Variants in GPLD1 observed in about 807,000 individuals in gnomAD.
GPLD1 encodes the protein glycosylphosphatidylinositol specific phospholipase D1.
A neutral mutation model predicts 112.6 loss-of-function variants in GPLD1; 84 were observed. That is an observed-to-expected ratio of 0.75 (90% CI 0.63 to 0.89). The LOEUF (loss-of-function observed/expected upper bound fraction) is 0.89, where lower values mean the gene tolerates loss of function less well. Among genes scored for constraint, GPLD1 ranks in the 40% least tolerant of loss-of-function variants. The pLI is 0.00. For missense variants in GPLD1, 1,044 were observed against 1,051.5 expected, an observed-to-expected ratio of 0.99 and a Z score of 0.10; for synonymous variants, 386 against 403.8, an observed-to-expected ratio of 0.96 and a Z score of 0.53.
At chr6:24,459,741 T>G (rs1214252253) in intron 12 of GPLD1, among the ~76,000 whole-genome samples, 1 of 152,224 alleles carries the variant, frequency 6.6e-6, no homozygotes, top group African/African-American at 2.4e-5. Flanking sequence ...CATTGATTAA[T>G]TTCATACACA....
intron 6 of GPLD1, 112 bp from the exon 7 acceptor site, chr6:24,472,748 G>T: frequency 6.9e-5 from 45 of 649,868 alleles, no homozygotes; most frequent in Middle Eastern, 2.8e-4. Flanking sequence ...ATTATTACAT[G>T]TTTTTGTTCA....
Position 24,446,928 on chromosome 6 carries a change from A to T in GPLD1, c.1730T>A (p.Phe577Tyr). ...ANWTVRGEED[F>Y]SWFGYSLHGV... is the part of the protein sequence containing the mutation. ...GTGAAGGGAATATCCAAACCAGGAG[A>T]AGTCTTCCTCGCCTCTCACCGTCCA... Residue 577 changes from phenylalanine to tyrosine, a missense_variant, in exon 18 of 25, where the codon TTC becomes TAC. By Grantham distance (22) the Phe-to-Tyr change is conservative (BLOSUM62 3). Coordinates refer to ENST00000230036, the MANE Select transcript of GPLD1 (RefSeq NM_001503.4). 1 of 1,613,774 alleles carries T rather than the reference A, an allele frequency of 6.2e-7. No homozygotes were observed. The highest frequency in any genetic ancestry group is 8.5e-7 in the Non-Finnish European group (1 of 1,179,850).
upstream of GPLD1, among the ~76,000 whole-genome samples, chr6:24,492,335 T>G (rs998117073): frequency 6.6e-6 from 1 of 151,492 alleles, no homozygotes; most frequent in Non-Finnish European, 1.5e-5. Context: ...TGAAACCCCA[T>G]CTCTACTAAA....
intron 22 of GPLD1, chr6:24,435,845 A>AAAAAAAAAAAAAAAAAAAAAT (rs1762562148): frequency 6.7e-6 from 1 of 149,264 alleles, no homozygotes; most frequent in Non-Finnish European, 1.5e-5. Flanking sequence ...AAAAAAAAAA[A>AAAAAAAAAAAAAAAAAAAAAT]AAGTTAAATA....
chr6:24,488,627 G>A (rs1764460886), intron 1 of GPLD1, among the ~76,000 whole-genome samples: 2 of 144,676 alleles, frequency 1.4e-5, no homozygotes, highest in East Asian at 3.9e-4. Flanking sequence ...TGGTAGCTAT[G>A]TGGGGGGGGC....
intron 10 of GPLD1, among the ~76,000 whole-genome samples, chr6:24,463,436 G>C (rs1475172546): frequency 2.6e-5 from 4 of 152,176 alleles, no homozygotes; most frequent in Non-Finnish European, 5.9e-5. Context: ...GTGGAGTGTA[G>C]GGGTGAAGAA....
In GPLD1 at chr6:24,479,943, T is replaced by C. The variant is rs145715650; in HGVS notation, c.170A>G (p.Gln57Arg). 33 of 1,607,772 alleles carry C rather than the reference T, an allele frequency of 2.1e-5. No homozygotes were observed. The highest frequency in any genetic ancestry group is 6.8e-6 in the Non-Finnish European group (8 of 1,174,446). Residue 57 changes from glutamine (Q) to arginine (R), a missense_variant, in exon 3 of 25, where the codon CAG becomes CGG. By Grantham distance (43) the Gln-to-Arg change is conservative (BLOSUM62 1). Transcript: ENST00000230036. ...CACGATTCCAGCCTGATACGCATCC[T>C]GGTGTTCTAGTAACAGCTGCAGAGC... ...VNYRELLLEHQDAYQAGIVFP... is the reference protein window; with the variant it reads ...VNYRELLLEHRDAYQAGIVFP...
intron 12 of GPLD1, among the ~76,000 whole-genome samples, chr6:24,457,367 G>C (rs750259228): frequency 2.0e-4 from 30 of 151,998 alleles, no homozygotes; most frequent in Non-Finnish European, 3.4e-4. Flanking sequence ...TGTAATCCCT[G>C]CTACTTGGGA....
chr6:24,454,418 A>C (rs187474675), intron 13 of GPLD1, among the ~76,000 whole-genome samples: 31 of 152,348 alleles, frequency 2.0e-4, no homozygotes, highest in African/African-American at 7.0e-4. Flanking sequence ...TGGACAAATC[A>C]AGGCCTCTAA....
chr6:24,460,531 A>G, intron 11 of GPLD1, 132 bp from the exon 12 acceptor site: 1 of 863,852 alleles, frequency 1.2e-6, no homozygotes, highest in African/African-American at 1.7e-5. Flanking sequence ...AGGCTGAAGG[A>G]GCAACACAGA....
intron 2 of GPLD1, among the ~76,000 whole-genome samples, chr6:24,482,383 T>C (rs919131447): frequency 3.9e-5 from 6 of 151,902 alleles, no homozygotes; most frequent in South Asian, 4.2e-4. Context: ...CAGGTTCAAG[T>C]GATTCTCCTG....
intron 7 of GPLD1, among the ~76,000 whole-genome samples, chr6:24,470,579 T>C (rs1253083860): frequency 6.6e-6 from 1 of 152,176 alleles, no homozygotes; most frequent in Non-Finnish European, 1.5e-5. Flanking sequence ...AATCTTTTTA[T>C]TTGAATGGTA....
chr6:24,494,976 G>A (rs1561865385), exon 1 of GPLD1: 2 of 1,305,354 alleles, frequency 1.5e-6, no homozygotes, highest in Non-Finnish European at 1.9e-6. Flanking sequence ...CCTGTTTCCT[G>A]TCGCCGTCGT....
intron 18 of GPLD1, 84 bp downstream of exon 18, chr6:24,446,754 C>A: frequency 7.6e-7 from 1 of 1,312,872 alleles, no homozygotes; most frequent in South Asian, 1.6e-5. Flanking sequence ...AGCCCTTTTC[C>A]CTCAGCCTCA....
intron 2 of GPLD1, 84 bp from the exon 3 acceptor site, chr6:24,480,043 A>G: frequency 1.2e-6 from 1 of 805,150 alleles, no homozygotes; most frequent in East Asian, 2.4e-5. Context: ...CTGTGATGAG[A>G]TGCTAGAAAT....
At chr6:24,480,908 A>G (rs1458780294) in intron 2 of GPLD1, among the ~76,000 whole-genome samples, 1 of 152,194 alleles carries the variant, frequency 6.6e-6, no homozygotes, top group East Asian at 1.9e-4. Flanking sequence ...TCCACAGCAG[A>G]GGTAGCACAG....
In GPLD1 at chr6:24,445,526, T is replaced by C. The variant is rs771020083; in HGVS notation, c.2020+20A>G. On this transcript the variant is annotated intron_variant, in intron 20 of 24. Transcript: ENST00000230036. ...GCCACATGACTGAAAGGAAGCACAG[T>C]TTCACAGTGTGTGACCTACCGTACG... 2 of 1,557,346 alleles carry C rather than the reference T, an allele frequency of 1.3e-6. No homozygotes were observed. Among genetic ancestry groups the C allele is most frequent in the Non-Finnish European group, 1.8e-6 (2 of 1,128,572 alleles).
rs1214707260 is a variant in GPLD1, at chr6:24,462,650, T to A, written c.887+80A>T. The A allele has an allele frequency of 2.4e-5, 21 of 869,256 alleles. 1 individual carries two copies. The East Asian group carries it at 4.4e-4, about 18-fold the overall frequency. 53.8% of individuals were successfully genotyped at this position (869,256 alleles called of 1,614,324 possible). A position where few individuals can be genotyped will look rare whatever the true frequency, so the allele number is the denominator to read the frequency against. ...GAACCTACAGCTGTCTCTCAACAGA[T>A]CCCGTGTTCTCAACCTCTATAGGGC... On this transcript the variant is annotated intron_variant, in intron 11 of 24. Coordinates refer to ENST00000230036, the MANE Select transcript of GPLD1 (RefSeq NM_001503.4).
Position 24,466,684 on chromosome 6 carries a change from T to C in GPLD1, c.817A>G (p.Thr273Ala). 1 of 1,611,986 alleles carries C rather than the reference T, an allele frequency of 6.2e-7. No individual in the cohort carries two copies. Among genetic ancestry groups the C allele is most frequent in the Non-Finnish European group, 8.5e-7 (1 of 1,178,186 alleles). ...HLTSFMLENGTSDCNLPENPL... is the reference protein window; with the variant it reads ...HLTSFMLENGASDCNLPENPL... ...AGAAATGCAATATGAATTCACCTGG[T>C]CCCATTCTCCAACATGAAGCTTGTT... The change falls in exon 10 of 25, where the codon ACC becomes GCC. Residue 273 changes from threonine (T) to alanine (A), a missense_variant. Thr to Ala is a moderately conservative substitution (Grantham distance 58). Transcript: ENST00000230036.
Sources: gnomAD v4.1 joint callset for allele counts (sites outside exome capture counted in the v4.1 genomes callset) on GRCh38, gnomAD v4.1.1 for gene constraint, MANE v1.5 for transcripts, NCBI Gene and HGNC (gene_info 2026-07-23, HGNC 2026-07-21) for gene names.